The following ST18 variants were observed in gnomAD, a reference collection of about 807,000 sequenced individuals.
ST18 encodes the protein ST18 C2H2C-type zinc finger transcription factor, also known as suppression of tumorigenicity 18 protein.
ST18 carries 50 observed loss-of-function variants against 110.0 expected under a neutral mutation model. That is an observed-to-expected ratio of 0.45 (90% CI 0.36 to 0.58). ST18 has a LOEUF of 0.58. Ranked by LOEUF, ST18 falls within the 20% of genes least tolerant of loss-of-function variation. The probability of loss-of-function intolerance (pLI) is 0.00; values close to 1 mark genes in which losing one functional copy is unlikely to be tolerated. For synonymous variants in ST18, 461 were observed against 452.4 expected (o/e 1.02, Z -0.24); for missense variants, 1,306 against 1,280.1 (o/e 1.02, Z -0.31).
intron 17 of ST18, among the ~76,000 whole-genome samples, chr8:52,140,413 C>A (rs908877520): frequency 6.6e-6 from 1 of 151,876 alleles, no homozygotes; most frequent in South Asian, 2.1e-4. Context: ...GCCTGTAATC[C>A]CAGCTGCCTG....
intron 25 of ST18, among the ~76,000 whole-genome samples, chr8:52,113,950 C>A (rs1247338840): frequency 1.3e-5 from 1 of 77,568 alleles, no homozygotes; most frequent in Non-Finnish European, 3.1e-5. Context: ...TTTATTCATA[C>A]CGTGTTTTTT....
intron 25 of ST18, among the ~76,000 whole-genome samples, chr8:52,114,865 A>T (rs2041979317): frequency 6.6e-6 from 1 of 152,230 alleles, no homozygotes; most frequent in Admixed American, 6.5e-5. Flanking sequence ...AGCACTAAAA[A>T]TCACCACTAG....
At chr8:52,367,460 T>C (rs1828559681) in intron 2 of ST18, among the ~76,000 whole-genome samples, 1 of 152,014 alleles carries the variant, frequency 6.6e-6, no homozygotes, top group Admixed American at 6.5e-5. Context: ...TTTAAAAATA[T>C]CCTTAGGATA....
chr8:52,319,998 T>C (rs1484535411), intron 2 of ST18, among the ~76,000 whole-genome samples: 1 of 152,114 alleles, frequency 6.6e-6, no homozygotes, highest in Non-Finnish European at 1.5e-5. Flanking sequence ...CTTTACTGGT[T>C]GAAACAAAGA....
At chr8:52,138,787 C>A (rs1262139643) in intron 17 of ST18, among the ~76,000 whole-genome samples, 2 of 152,194 alleles carry the variant, frequency 1.3e-5, no homozygotes, top group Non-Finnish European at 2.9e-5. Context: ...TCAACTACAC[C>A]AGTCACGCAT....
At chr8:52,340,429 G>A (rs1396867031) in intron 2 of ST18, among the ~76,000 whole-genome samples, 1 of 152,180 alleles carries the variant, frequency 6.6e-6, no homozygotes, top group Non-Finnish European at 1.5e-5. Flanking sequence ...CTGTGGGCCT[G>A]GATCCAGTGC....
intron 2 of ST18, among the ~76,000 whole-genome samples, chr8:52,375,015 C>G (rs540952062): frequency 2.0e-4 from 31 of 152,272 alleles, no homozygotes; most frequent in African/African-American, 7.0e-4. Context: ...CATGTGTTAA[C>G]ACAAACCCTC....
chr8:52,132,342 A>G (rs1379668326), intron 21 of ST18, among the ~76,000 whole-genome samples, 163 bp from the exon 22 acceptor site: 1 of 152,246 alleles, frequency 6.6e-6, no homozygotes, highest in Non-Finnish European at 1.5e-5. Flanking sequence ...ATTTTCATGC[A>G]TTATCTCACT....
chr8:52,329,093 G>C (rs1374163714), intron 2 of ST18, among the ~76,000 whole-genome samples: 3 of 152,048 alleles, frequency 2.0e-5, no homozygotes, highest in Non-Finnish European at 4.4e-5. Flanking sequence ...ATATTCCAAT[G>C]ACTAAAAAAC....
intron 8 of ST18, among the ~76,000 whole-genome samples, chr8:52,185,983 G>C (rs951453569): frequency 1.3e-5 from 2 of 152,128 alleles, no homozygotes; most frequent in African/African-American, 2.4e-5. Context: ...TTGCCAACCA[G>C]TAAGGGGAGC....
rs149364622 is a variant in ST18, at chr8:52,331,416, A to G, written c.-465+77912T>C. Among the ~76,000 whole-genome samples the G allele has an allele frequency of 1.2e-4, 19 of 152,214 alleles. No homozygotes were observed. In the East Asian group the frequency reaches 3.7e-3, roughly 29 times the overall value. ...ATGTTAAGGTCCATGTGAATACAAA[A>G]TTTATTTTTTAAGAGGTCATTTCCA... On this transcript the variant is annotated intron_variant, in intron 2 of 25. Coordinates refer to ENST00000689386, the MANE Select transcript of ST18 (RefSeq NM_001352837.2).
At chr8:52,296,148 G>A (rs1261349005) in intron 2 of ST18, among the ~76,000 whole-genome samples, 1 of 152,110 alleles carries the variant, frequency 6.6e-6, no homozygotes, top group Non-Finnish European at 1.5e-5. Flanking sequence ...TGCAATGCTG[G>A]GGGGAAGGAG....
At position 52,171,732 on chromosome 8, in the gene ST18, CT is replaced by C. The variant is rs1003130654; in HGVS notation, c.1069+59del. On this transcript the variant is annotated intron_variant, in intron 10 of 25. Transcript: ENST00000689386. ...ACCTGAAAAAAATAATCAAATCTGA[CT>C]TTTTTTTCAAACCCTAATGCACTTT... 5.3e-5 allele frequency: 82 copies of C among 1,556,586 alleles called. 1 individual carries two copies. In the African/African-American group the frequency reaches 7.0e-4, roughly 13 times the overall value.
chr8:52,236,302 C>A (rs1376164887), intron 2 of ST18, among the ~76,000 whole-genome samples: 1 of 152,174 alleles, frequency 6.6e-6, no homozygotes, highest in East Asian at 1.9e-4. Context: ...TCTTTCAGTA[C>A]AAGCTAGTAT....
intron 9 of ST18, among the ~76,000 whole-genome samples, chr8:52,175,656 A>C (rs2066635037): frequency 6.6e-6 from 1 of 152,190 alleles, no homozygotes; most frequent in South Asian, 2.1e-4. Context: ...TGTTCCTGGC[A>C]TGGTGTTCAG....
In ST18 at chr8:52,111,216, T is replaced by C. The variant is rs143884774; in HGVS notation, c.*1982A>G. ...GGTAAGAGATTTCTTTTAAATTAAA[T>C]AAAATATATAACAAACTTGTTAAAA... On this transcript the variant is annotated 3_prime_UTR_variant, in exon 26 of 26. Transcript: ENST00000689386. The C allele has an allele frequency of 2.5e-5, 9 of 366,254 alleles. No individual in the cohort carries two copies. The East Asian group carries it at 3.4e-4, about 14-fold the overall frequency. 22.7% of individuals were successfully genotyped at this position (366,254 alleles called of 1,614,324 possible).
intron 9 of ST18, among the ~76,000 whole-genome samples, chr8:52,177,436 C>T (rs1188419141): frequency 6.6e-6 from 1 of 152,190 alleles, no homozygotes; most frequent in African/African-American, 2.4e-5. Flanking sequence ...GGGCACACAC[C>T]TGGCCAGGTA....
At chr8:52,162,098 C>A (rs1164734551) in intron 13 of ST18, among the ~76,000 whole-genome samples, 2 of 152,130 alleles carry the variant, frequency 1.3e-5, no homozygotes, top group African/African-American at 2.4e-5. Flanking sequence ...GTAATCCCAG[C>A]TACTCAGGAG....
intron 2 of ST18, among the ~76,000 whole-genome samples, chr8:52,361,906 T>TA (rs1345790307): frequency 6.6e-6 from 1 of 151,850 alleles, no homozygotes; most frequent in African/African-American, 2.4e-5. Flanking sequence ...CACACTTTAT[T>TA]TTTTTTTCTT....
Sources: gnomAD v4.1 joint callset for allele counts (sites outside exome capture counted in the v4.1 genomes callset) on GRCh38, gnomAD v4.1.1 for gene constraint, MANE v1.5 for transcripts, NCBI Gene and HGNC (gene_info 2026-07-23, HGNC 2026-07-21) for gene names.